The following DCC variants were observed in gnomAD, a reference collection of about 807,000 sequenced individuals.
The protein encoded by DCC is netrin receptor DCC.
DCC carries 58 observed loss-of-function variants against 172.5 expected under a neutral mutation model. The observed-to-expected ratio is 0.34, with a 90% CI of 0.27 to 0.42. DCC has a LOEUF of 0.42. Ranked by LOEUF, DCC falls within the 10% of genes least tolerant of loss-of-function variation. DCC has a pLI of 1.00. For synonymous variants in DCC, 709 were observed against 644.5 expected, an observed-to-expected ratio of 1.10 and a Z score of -1.52; for missense variants, 1,740 against 1,791.0, an observed-to-expected ratio of 0.97 and a Z score of 0.51.
chr18:53,338,553 A>T (rs2057617437), intron 14 of DCC, among the ~76,000 whole-genome samples: 2 of 152,192 alleles, frequency 1.3e-5, no homozygotes, highest in African/African-American at 4.8e-5. Flanking sequence ...GTGAGCCGAG[A>T]TCGTGCCACT....
chr18:52,836,515 A>G (rs931901807), intron 2 of DCC, among the ~76,000 whole-genome samples: 3 of 152,192 alleles, frequency 2.0e-5, no homozygotes, highest in African/African-American at 7.2e-5. Flanking sequence ...AGTGGCCAAA[A>G]CAAAGGAGCT....
At chr18:53,195,417 T>G (rs1011990028) in intron 9 of DCC, among the ~76,000 whole-genome samples, 3 of 152,172 alleles carry the variant, frequency 2.0e-5, no homozygotes, top group Non-Finnish European at 2.9e-5. Flanking sequence ...TGGCAAAACA[T>G]TATTTGATTT....
At chr18:52,509,312 T>C (rs941608659) in intron 1 of DCC, among the ~76,000 whole-genome samples, 4 of 152,242 alleles carry the variant, frequency 2.6e-5, no homozygotes, top group Non-Finnish European at 5.9e-5. Flanking sequence ...TAAAATATTT[T>C]CAGTTAAAAT....
chr18:53,332,790 C>A (rs1431681572), intron 14 of DCC, among the ~76,000 whole-genome samples: 1 of 67,010 alleles, frequency 1.5e-5, no homozygotes, highest in Non-Finnish European at 3.2e-5. Context: ...ACCCATTTAT[C>A]AAAACCCATA....
chr18:53,199,032 A>T (rs1218030712), intron 9 of DCC, among the ~76,000 whole-genome samples: 1 of 151,438 alleles, frequency 6.6e-6, no homozygotes, highest in South Asian at 2.1e-4. Flanking sequence ...TGTTAACGGT[A>T]TTGATTTCAC....
intron 15 of DCC, among the ~76,000 whole-genome samples, chr18:53,353,331 A>G (rs7235888): frequency 2.0e-5 from 3 of 151,512 alleles, no homozygotes; most frequent in African/African-American, 7.3e-5. Flanking sequence ...CTATTTTTTT[A>G]AAAAAACTAT....
chr18:53,196,180 C>T (rs1388828140), intron 9 of DCC, among the ~76,000 whole-genome samples: 1 of 152,056 alleles, frequency 6.6e-6, no homozygotes, highest in Non-Finnish European at 1.5e-5. Flanking sequence ...TTGGGTGAAA[C>T]TTTAAGTTTT....
intron 1 of DCC, among the ~76,000 whole-genome samples, chr18:52,410,085 A>T (rs373523397): frequency 6.6e-6 from 1 of 152,110 alleles, no homozygotes; most frequent in African/African-American, 2.4e-5. Flanking sequence ...AAAATGTAGG[A>T]TACCTGACAA....
intron 25 of DCC, among the ~76,000 whole-genome samples, chr18:53,481,745 A>C (rs1322981929): frequency 6.6e-6 from 1 of 152,194 alleles, no homozygotes; most frequent in Non-Finnish European, 1.5e-5. Context: ...AGCTTAAAAA[A>C]ATCTTTACTT....
chr18:52,743,240 T>G (rs1286179213), intron 1 of DCC, among the ~76,000 whole-genome samples: 2 of 152,220 alleles, frequency 1.3e-5, no homozygotes, highest in African/African-American at 4.8e-5. Flanking sequence ...TAGTTGACAG[T>G]TCTGCATTTA....
intron 1 of DCC, among the ~76,000 whole-genome samples, chr18:52,485,272 CT>C (rs2030160252): frequency 6.6e-6 from 1 of 152,100 alleles, no homozygotes; most frequent in South Asian, 2.1e-4. Context: ...TATTATGGTT[CT>C]GACAGCATAG....
intron 2 of DCC, among the ~76,000 whole-genome samples, chr18:52,802,359 T>C (rs970903923): frequency 2.6e-5 from 4 of 152,104 alleles, no homozygotes; most frequent in African/African-American, 9.7e-5. Flanking sequence ...TGTGTGTTTT[T>C]GTATATATAC....
rs2033753417 is a variant in DCC, at chr18:52,589,601, T to C, written c.92-162453T>C. Among the ~76,000 whole-genome samples, 3 of 152,238 alleles carry C rather than the reference T, an allele frequency of 2.0e-5. No homozygotes were observed. The South Asian group carries it at 6.2e-4, about 32-fold the overall frequency. On this transcript the variant is annotated intron_variant, in intron 1 of 28. Coordinates refer to ENST00000442544, the MANE Select transcript of DCC (RefSeq NM_005215.4). ...GTGATGCCTCTTCCATGGGTTTTTG[T>C]ACAATCCTCTTCTCTGTTCTGTCTA...
At chr18:52,371,356 A>G (rs1985114476) in intron 1 of DCC, among the ~76,000 whole-genome samples, 1 of 152,226 alleles carries the variant, frequency 6.6e-6, no homozygotes, top group East Asian at 1.9e-4. Flanking sequence ...AGTTATCCAA[A>G]GTACTAAATT....
intron 2 of DCC, among the ~76,000 whole-genome samples, chr18:52,868,270 T>C (rs2039261508): frequency 6.6e-6 from 1 of 152,092 alleles, no homozygotes; most frequent in Non-Finnish European, 1.5e-5. Context: ...GATGTAATTT[T>C]CCAGGTATAA....
intron 1 of DCC, among the ~76,000 whole-genome samples, chr18:52,534,854 C>G (rs1255217929): frequency 2.0e-5 from 3 of 152,136 alleles, no homozygotes; most frequent in African/African-American, 7.2e-5. Context: ...TTTAACTTTA[C>G]AGGGAAAGAA....
chr18:53,032,119 C>A (rs1176303151), intron 5 of DCC, among the ~76,000 whole-genome samples: 1 of 152,104 alleles, frequency 6.6e-6, no homozygotes, highest in Non-Finnish European at 1.5e-5. Context: ...AGAAATAATA[C>A]AGAACATACT....
At chr18:52,790,514 C>T (rs919246480) in intron 2 of DCC, among the ~76,000 whole-genome samples, 2 of 152,124 alleles carry the variant, frequency 1.3e-5, no homozygotes, top group African/African-American at 4.8e-5. Flanking sequence ...TTCCCCCTAG[C>T]TCAACTAGAG....
intron 1 of DCC, among the ~76,000 whole-genome samples, chr18:52,650,638 A>G (rs2035114252): frequency 6.6e-6 from 1 of 152,204 alleles, no homozygotes; most frequent in South Asian, 2.1e-4. Flanking sequence ...AGGTTGATAA[A>G]TAAACAGGTT....
Sources: gnomAD v4.1 joint callset for allele counts (sites outside exome capture counted in the v4.1 genomes callset) on GRCh38, gnomAD v4.1.1 for gene constraint, MANE v1.5 for transcripts, NCBI Gene and HGNC (gene_info 2026-07-23, HGNC 2026-07-21) for gene names.